Variants in CLEC12A observed in about 807,000 individuals in gnomAD.
CLEC12A encodes the protein C-type lectin domain family 12 member A.
A neutral mutation model predicts 26.5 loss-of-function variants in CLEC12A; 22 were observed. The ratio of observed to expected loss-of-function variants is 0.83; its 90% CI spans 0.59 to 1.19. The LOEUF (loss-of-function observed/expected upper bound fraction) is 1.19. Among genes scored for constraint, CLEC12A ranks in the 50% most tolerant of loss-of-function variants. CLEC12A has a pLI of 0.00. For synonymous variants in CLEC12A, 119 were observed against 101.9 expected (o/e 1.17, Z -1.01); for missense variants, 353 against 315.6 (o/e 1.12, Z -0.90).
At chr12:9,998,462 C>T, downstream of CLEC12A, 1 of 970,836 alleles carries the variant, frequency 1.0e-6, no homozygotes, top group South Asian at 1.3e-5. Context: ...CCTGCCCCTG[C>T]CTTCTCAGGG....
At chr12:9,983,294 GT>G (rs1351949701) in intron 5 of CLEC12A, among the ~76,000 whole-genome samples, 1 of 152,020 alleles carries the variant, frequency 6.6e-6, no homozygotes, top group Non-Finnish European at 1.5e-5. Flanking sequence ...TTAAAGACTG[GT>G]TTAGAAGAGC....
At chr12:9,998,602 A>G (rs544646681), downstream of CLEC12A, among the ~76,000 whole-genome samples, 1 of 136,634 alleles carries the variant, frequency 7.3e-6, no homozygotes, top group South Asian at 2.2e-4. Context: ...TACCTCTCCA[A>G]GCTGAAATAT....
rs199984435 is a variant in CLEC12A, at chr12:9,982,124, T to C, written c.636T>C (p.Ser212=). ...GMRVDNIINS[S]AWVIRNAPDL... is the part of the protein sequence containing the mutation. ...GAGTGGATAATATAATCAACTCCTC[T>C]GCCTGGTAAGTGTCTATTCTTGTTA... Residue 212 remains serine, a synonymous_variant, in exon 5 of 6, where the codon TCT becomes TCC. Coordinates refer to ENST00000304361, the MANE Select transcript of CLEC12A (RefSeq NM_138337.6). 5 of 1,525,950 alleles carry C rather than the reference T, an allele frequency of 3.3e-6. No homozygotes were observed. In the East Asian group the frequency reaches 1.1e-4, roughly 34 times the overall value. 94.5% of individuals were successfully genotyped at this position (1,525,950 alleles called of 1,614,324 possible).
intron 1 of CLEC12A, among the ~76,000 whole-genome samples, chr12:9,956,831 A>T (rs1434833386): frequency 6.6e-6 from 1 of 152,190 alleles, no homozygotes; most frequent in African/African-American, 2.4e-5. Flanking sequence ...TTAATCTTTG[A>T]CCTATGGCAA....
rs7970110 is a variant in CLEC12A, at chr12:9,955,235, C to T, written c.10+3879C>T. ...CTGAGTAGCTGGGACCACAGGCGCCCGCCACCACGCCCGGCTAATTTTTTG... is the reference window on the plus strand; with the variant it reads ...CTGAGTAGCTGGGACCACAGGCGCCTGCCACCACGCCCGGCTAATTTTTTG... On this transcript the variant is annotated intron_variant, in intron 1 of 6. Coordinates refer to the CLEC12A transcript ENST00000355690. 7.0e-3 allele frequency among the ~76,000 whole-genome samples: 1,061 copies of T among 151,828 alleles called. 13 individuals carry two copies. Among genetic ancestry groups the T allele is most frequent in the South Asian group, 0.023 (109 of 4,824 alleles).
chr12:9,961,646 A>G (rs1229840913), intron 1 of CLEC12A, among the ~76,000 whole-genome samples: 3 of 152,198 alleles, frequency 2.0e-5, no homozygotes, highest in Non-Finnish European at 4.4e-5. Flanking sequence ...TGACTGCCAG[A>G]AAAAAAGAAA....
the CLEC12A span, among the ~76,000 whole-genome samples, chr12:10,000,942 G>A: frequency 6.6e-6 from 1 of 152,096 alleles, no homozygotes; most frequent in Non-Finnish European, 1.5e-5. Context: ...AAATAACTGT[G>A]ACAAAGTAAC....
At chr12:10,004,875 C>A in the CLEC12A span, among the ~76,000 whole-genome samples, 56,442 of 150,284 alleles carry the variant, frequency 0.38, 10,881 homozygotes, top group African/African-American at 0.41. Flanking sequence ...ATTAACTTGT[C>A]ATTTACATTA....
chr12:9,959,323 G>A (rs1863792425), intron 1 of CLEC12A, among the ~76,000 whole-genome samples: 2 of 151,926 alleles, frequency 1.3e-5, no homozygotes, highest in African/African-American at 2.4e-5. Flanking sequence ...GTGGTGGCGG[G>A]CACCTGTAAC....
chr12:9,958,830 A>G (rs1238549141), intron 1 of CLEC12A, among the ~76,000 whole-genome samples: 1 of 152,102 alleles, frequency 6.6e-6, no homozygotes, highest in East Asian at 1.9e-4. Flanking sequence ...TAGGGTAATC[A>G]CCCCAGCACC....
chr12:9,968,459 A>T (rs1189797543), upstream of CLEC12A, among the ~76,000 whole-genome samples: 5 of 152,264 alleles, frequency 3.3e-5, no homozygotes, highest in Admixed American at 6.5e-5. Flanking sequence ...TCTGGCGGGC[A>T]GGAGTGGGGG....
At chr12:9,996,877 G>A, downstream of CLEC12A, 3 of 1,614,078 alleles carry the variant, frequency 1.9e-6, no homozygotes, top group Non-Finnish European at 2.5e-6. Context: ...CTTCAGGAGA[G>A]TAGCATTCAT....
chr12:9,976,243 A>G (rs894838906), intron 1 of CLEC12A, among the ~76,000 whole-genome samples: 3 of 152,180 alleles, frequency 2.0e-5, no homozygotes, highest in Non-Finnish European at 2.9e-5. Context: ...CACTGACAGC[A>G]TGCACTGTCC....
At chr12:10,002,300 AATGAATGTTAATT>A in the CLEC12A span, among the ~76,000 whole-genome samples, 1 of 152,230 alleles carries the variant, frequency 6.6e-6, no homozygotes, top group Non-Finnish European at 1.5e-5. Flanking sequence ...GGAAATATTT[AATGAATGTTAATT>A]ATGTTTCAGA....
At chr12:9,975,159 T>G (rs1864287504) in intron 1 of CLEC12A, among the ~76,000 whole-genome samples, 1 of 152,142 alleles carries the variant, frequency 6.6e-6, no homozygotes, top group Non-Finnish European at 1.5e-5. Context: ...ATCAGTCGTG[T>G]GAAAATGAAC....
chr12:9,970,020 G>C (rs1348200782), upstream of CLEC12A, among the ~76,000 whole-genome samples: 1 of 152,176 alleles, frequency 6.6e-6, no homozygotes, highest in Non-Finnish European at 1.5e-5. Context: ...AAGTAATCAT[G>C]TTTTGAATAT....
At chr12:9,972,065 T>G (rs1016321916) in intron 1 of CLEC12A, among the ~76,000 whole-genome samples, 4 of 151,690 alleles carry the variant, frequency 2.6e-5, no homozygotes, top group African/African-American at 7.3e-5. Context: ...TGTGTGTTTT[T>G]TTTTTTATAA....
At chr12:9,972,103 C>T (rs868376163) in intron 1 of CLEC12A, among the ~76,000 whole-genome samples, 1 of 151,050 alleles carries the variant, frequency 6.6e-6, no homozygotes, top group African/African-American at 2.4e-5. Flanking sequence ...GACAGAGAGA[C>T]CTTTATAGGA....
At chr12:9,988,923 T>C (rs550380029), downstream of CLEC12A, among the ~76,000 whole-genome samples, 2 of 152,324 alleles carry the variant, frequency 1.3e-5, no homozygotes, top group African/African-American at 4.8e-5. Context: ...TGTATGTTTA[T>C]TGCAGCACTA....
Sources: gnomAD v4.1 joint callset for allele counts (sites outside exome capture counted in the v4.1 genomes callset) on GRCh38, gnomAD v4.1.1 for gene constraint, MANE v1.5 for transcripts, NCBI Gene and HGNC (gene_info 2026-07-23, HGNC 2026-07-21) for gene names.